Variants in PTGER3 observed in about 807,000 individuals in gnomAD.
PTGER3 encodes the protein prostaglandin E receptor 3.
A neutral mutation model predicts 34.7 loss-of-function variants in PTGER3; 22 were observed. That is an observed-to-expected ratio of 0.63 (90% CI 0.45 to 0.91). The LOEUF (loss-of-function observed/expected upper bound fraction) is 0.91. Ranked by LOEUF, PTGER3 falls within the 40% of genes least tolerant of loss-of-function variation. The pLI, the probability that PTGER3 is intolerant of heterozygous loss-of-function variation, is 0.00. For synonymous variants in PTGER3, 241 were observed against 230.1 expected (o/e 1.05, Z -0.43); for missense variants, 468 against 519.4 (o/e 0.90, Z 0.96).
At chr1:71,042,491 A>G (rs1242834751) in intron 1 of PTGER3, among the ~76,000 whole-genome samples, 1 of 152,060 alleles carries the variant, frequency 6.6e-6, no homozygotes, top group African/African-American at 2.4e-5. Flanking sequence ...AACATTAATC[A>G]GTTTTATAAT....
intron 4 of PTGER3, among the ~76,000 whole-genome samples, chr1:70,900,089 C>T (rs1409989): frequency 0.3 from 45,291 of 152,050 alleles, 7,032 homozygotes; most frequent in South Asian, 0.46. Flanking sequence ...CAATTTTCTT[C>T]CTTATTTTCT....
At chr1:71,046,598 C>A in intron 1 of PTGER3, 83 bp downstream of exon 1, 4 of 1,456,802 alleles carry the variant, frequency 2.7e-6, no homozygotes, top group Non-Finnish European at 3.6e-6. Flanking sequence ...CACACCCCTG[C>A]GGGTGCTGCC....
intron 1 of PTGER3, among the ~76,000 whole-genome samples, chr1:71,019,862 G>C (rs1658241981): frequency 6.6e-6 from 1 of 152,080 alleles, no homozygotes. Flanking sequence ...TCAATTCTGG[G>C]GTGTTTCTGC....
chr1:70,956,194 C>CT (rs1230522958), intron 2 of PTGER3, among the ~76,000 whole-genome samples: 3 of 152,060 alleles, frequency 2.0e-5, no homozygotes, highest in African/African-American at 7.2e-5. Flanking sequence ...TGTATATACT[C>CT]TAAGTAATTA....
intron 4 of PTGER3, among the ~76,000 whole-genome samples, chr1:70,916,729 G>C (rs1185304168): frequency 6.6e-6 from 1 of 151,892 alleles, no homozygotes; most frequent in Admixed American, 6.6e-5. Context: ...AACTGGGCGT[G>C]GGGGAGGAGG....
At chr1:71,026,639 T>C (rs1456434406) in intron 1 of PTGER3, among the ~76,000 whole-genome samples, 1 of 150,862 alleles carries the variant, frequency 6.6e-6, no homozygotes, top group Non-Finnish European at 1.5e-5. Flanking sequence ...AATACTATAT[T>C]ATTACTAATA....
chr1:70,969,924 T>A (rs914364821), downstream of PTGER3, among the ~76,000 whole-genome samples: 2 of 152,214 alleles, frequency 1.3e-5, no homozygotes, highest in Non-Finnish European at 1.5e-5. Flanking sequence ...ACCCTACAGG[T>A]AAGTACTATT....
At chr1:70,882,775 T>C (rs1386599341) in intron 4 of PTGER3, among the ~76,000 whole-genome samples, 5 of 152,166 alleles carry the variant, frequency 3.3e-5, no homozygotes, top group African/African-American at 9.7e-5. Context: ...CTTTACCATG[T>C]GGGAGAGGTT....
intron 4 of PTGER3, among the ~76,000 whole-genome samples, chr1:70,912,468 G>T (rs991852677): frequency 1.3e-4 from 20 of 152,002 alleles, no homozygotes; most frequent in Non-Finnish European, 1.5e-5. Context: ...TTAAATTAAA[G>T]AGTTTGTTTT....
At chr1:70,991,595 G>A (rs1406942793) in intron 2 of PTGER3, among the ~76,000 whole-genome samples, 2 of 152,144 alleles carry the variant, frequency 1.3e-5, no homozygotes, top group African/African-American at 4.8e-5. Context: ...GGGCCCAGAA[G>A]AGAATTTTGA....
chr1:70,962,511 C>G (rs1415512461), intron 2 of PTGER3, among the ~76,000 whole-genome samples: 2 of 152,162 alleles, frequency 1.3e-5, no homozygotes, highest in Admixed American at 1.3e-4. Flanking sequence ...AATTGACTCA[C>G]AGTTCCATAT....
intron 4 of PTGER3, among the ~76,000 whole-genome samples, chr1:70,921,613 C>CG (rs1647535803): frequency 6.6e-6 from 1 of 151,672 alleles, no homozygotes; most frequent in Non-Finnish European, 1.5e-5. Flanking sequence ...GCCCAGCAAA[C>CG]TGGTCAGTTA....
intron 1 of PTGER3, among the ~76,000 whole-genome samples, chr1:71,021,354 A>G (rs1658401959): frequency 1.3e-5 from 2 of 152,182 alleles, no homozygotes; most frequent in African/African-American, 4.8e-5. Flanking sequence ...GTATGTCTAG[A>G]TAAATGTTTA....
rs146064986 is a variant in PTGER3 at position 71,023,948 on chromosome 1, G to C, written c.898-11464C>G. On this transcript the variant is annotated intron_variant, in intron 1 of 3. Coordinates refer to ENST00000306666, the MANE Select transcript of PTGER3 (RefSeq NM_198719.2). ...TGACATGATTTGTTGGCCTCCATCT[G>C]GCCTGGCCCATGCTGCTGCTTAAAA... 3.7e-3 allele frequency among the ~76,000 whole-genome samples: 567 copies of C among 151,766 alleles called. 9 individuals carry two copies. Among genetic ancestry groups the C allele is most frequent in the Admixed American group, 6.2e-3 (94 of 15,246 alleles).
chr1:70,871,595 C>A (rs900966894), intron 4 of PTGER3, among the ~76,000 whole-genome samples: 1 of 151,958 alleles, frequency 6.6e-6, no homozygotes, highest in Non-Finnish European at 1.5e-5. Flanking sequence ...CACCATGGGC[C>A]CCTTGGTGAG....
At chr1:70,894,137 A>G (rs1646675252) in intron 4 of PTGER3, among the ~76,000 whole-genome samples, 1 of 151,876 alleles carries the variant, frequency 6.6e-6, no homozygotes, top group South Asian at 2.1e-4. Context: ...GTGAAACTAC[A>G]TCTCTACTAA....
chr1:70,866,129 G>A (rs34124670), intron 4 of PTGER3, among the ~76,000 whole-genome samples: 10,739 of 152,102 alleles, frequency 0.071, 853 homozygotes, highest in East Asian at 0.35. Context: ...TTAATGCTTC[G>A]CTGTAAGCAC....
At chr1:71,031,794 G>T (rs551432644) in intron 1 of PTGER3, among the ~76,000 whole-genome samples, 4 of 152,250 alleles carry the variant, frequency 2.6e-5, no homozygotes, top group Non-Finnish European at 5.9e-5. Context: ...ACAGTTGGTT[G>T]TTTGCAACCC....
At chr1:70,867,622 G>C (rs1467696819) in intron 4 of PTGER3, among the ~76,000 whole-genome samples, 2 of 152,190 alleles carry the variant, frequency 1.3e-5, no homozygotes, top group African/African-American at 4.8e-5. Context: ...CTACTTGGGA[G>C]GGTGAGGTGG....
Sources: allele counts gnomAD v4.1 joint callset (sites outside exome capture counted in the v4.1 genomes callset), GRCh38; gene constraint gnomAD v4.1.1; transcripts MANE v1.5; gene names NCBI Gene and HGNC (gene_info 2026-07-23, HGNC 2026-07-21).